The following ANKRD28 variants were observed in gnomAD, a reference collection of about 807,000 sequenced individuals.
ANKRD28 encodes the protein ankyrin repeat domain 28.
ANKRD28 carries 44 observed loss-of-function variants against 126.5 expected under a neutral mutation model. The ratio of observed to expected loss-of-function variants is 0.35; its 90% CI spans 0.27 to 0.45. The LOEUF is 0.45. ANKRD28 is among the 20% of genes least tolerant of loss of function. The pLI is 1.00. For synonymous variants in ANKRD28, 442 were observed against 468.5 expected (o/e 0.94, Z 0.73); for missense variants, 1,110 against 1,316.6 (o/e 0.84, Z 2.43).
chr3:15,699,219 A>T (rs1488284032), intron 14 of ANKRD28, among the ~76,000 whole-genome samples: 2 of 152,238 alleles, frequency 1.3e-5, no homozygotes, highest in Non-Finnish European at 2.9e-5. Context: ...TCCCTTCCTT[A>T]CACTATATAC....
chr3:15,741,752 T>C (rs1419565274), intron 4 of ANKRD28, among the ~76,000 whole-genome samples: 3 of 134,496 alleles, frequency 2.2e-5, no homozygotes, highest in African/African-American at 5.4e-5. Flanking sequence ...ATTCTTACCA[T>C]TGATTTGAAG....
Position 15,742,368 on chromosome 3 carries a change from G to A in ANKRD28, c.352-5135C>T, listed in dbSNP as rs1165796164. On this transcript the variant is annotated intron_variant, in intron 4 of 27. Coordinates refer to ENST00000683139, the MANE Select transcript of ANKRD28 (RefSeq NM_001349278.2). ...CTCGGCCGCCCATCGTCTGAGATGT[G>A]GGGAGCGCCTCTGCCCCGCCGCCCC... Among the ~76,000 whole-genome samples the A allele has an allele frequency of 2.1e-4, 32 of 149,954 alleles. 4 individuals are homozygous for A. The highest frequency in any genetic ancestry group is 8.6e-4 in the Admixed American group (13 of 15,146).
intron 4 of ANKRD28, among the ~76,000 whole-genome samples, chr3:15,745,510 A>G (rs2057416682): frequency 6.6e-6 from 1 of 152,156 alleles, no homozygotes; most frequent in Non-Finnish European, 1.5e-5. Context: ...GTCAAAGATC[A>G]GTTGGCTGTA....
chr3:15,718,052 C>T (rs2073278016), intron 8 of ANKRD28, among the ~76,000 whole-genome samples: 1 of 151,916 alleles, frequency 6.6e-6, no homozygotes, highest in Non-Finnish European at 1.5e-5. Flanking sequence ...TAAAGTGTCC[C>T]CATAGTCAAT....
In ANKRD28 at chr3:15,797,133, T is replaced by A; in HGVS notation, c.-612A>T. ...TATTCACAGAAAAAAGATCTAGAGC[T>A]CAGCACAAATCCTGAAAATGAAGCT... On this transcript the variant is annotated 5_prime_UTR_variant, in exon 1 of 28. Coordinates refer to ENST00000683139, the MANE Select transcript of ANKRD28 (RefSeq NM_001349278.2). 1.0e-6 allele frequency: 1 copy of A among 981,194 alleles called. No individual in the cohort carries two copies. Among genetic ancestry groups the A allele is most frequent in the Non-Finnish European group, 1.2e-6 (1 of 829,162 alleles). 60.8% of individuals were successfully genotyped at this position (981,194 alleles called of 1,614,324 possible). A position where few individuals can be genotyped will look rare whatever the true frequency, so the allele number is the denominator to read the frequency against.
intron 1 of ANKRD28, among the ~76,000 whole-genome samples, chr3:15,831,044 C>T (rs2061177425): frequency 6.6e-6 from 1 of 152,182 alleles, no homozygotes; most frequent in Non-Finnish European, 1.5e-5. Flanking sequence ...TCTGGAAGTT[C>T]ACGCCTGAAA....
In ANKRD28 at chr3:15,797,659, GA is replaced by G. The variant is rs532015611; in HGVS notation, c.-1139del. ...TTCCATTAAACAGTCTTCATTCAGA[GA>G]AAAAAATAGCAGACTGTGCATCTTC... is the stretch of plus-strand genomic sequence containing the variant. On this transcript the variant is annotated 5_prime_UTR_variant, in exon 1 of 28. An upstream open reading frame in the 5' UTR gains an earlier in-frame stop. Coordinates refer to ENST00000683139, the MANE Select transcript of ANKRD28 (RefSeq NM_001349278.2). 3.0e-6 allele frequency: 3 copies of G among 985,032 alleles called. No homozygotes were observed. The highest frequency in any genetic ancestry group is 3.6e-6 in the Non-Finnish European group (3 of 829,894). 61.0% of individuals were successfully genotyped at this position (985,032 alleles called of 1,614,324 possible).
intron 2 of ANKRD28, among the ~76,000 whole-genome samples, chr3:15,779,537 A>C (rs2059446237): frequency 6.6e-6 from 1 of 152,256 alleles, no homozygotes; most frequent in African/African-American, 2.4e-5. Context: ...TGACATAAAG[A>C]AAACTGCGTT....
intron 4 of ANKRD28, among the ~76,000 whole-genome samples, chr3:15,743,045 G>C (rs374607476): frequency 6.6e-6 from 1 of 152,080 alleles, no homozygotes; most frequent in African/African-American, 2.4e-5. Flanking sequence ...AAATTCTTCT[G>C]CCTTGTGATC....
At chr3:15,671,492 C>T (rs557471700) in intron 27 of ANKRD28, among the ~76,000 whole-genome samples, 7 of 152,122 alleles carry the variant, frequency 4.6e-5, no homozygotes, top group Non-Finnish European at 1.0e-4. Flanking sequence ...AGTCGTTACA[C>T]CTTTCTTCTT....
chr3:15,695,392 T>C (rs2069386801), intron 15 of ANKRD28, among the ~76,000 whole-genome samples, 178 bp from the exon 16 acceptor site: 1 of 152,114 alleles, frequency 6.6e-6, no homozygotes, highest in South Asian at 2.1e-4. Flanking sequence ...TCTATATACA[T>C]AGGTCTAAAA....
Position 15,815,931 on chromosome 3 carries a change from C to T in ANKRD28, c.28-20625G>A, listed in dbSNP as rs1329094536. 6.6e-6 allele frequency among the ~76,000 whole-genome samples: 1 copy of T among 151,742 alleles called. No homozygotes were observed. Among genetic ancestry groups the T allele is most frequent in the African/African-American group, 2.4e-5 (1 of 41,076 alleles). ...AAGAAAATTAATTTCTTGAGTACGT[C>T]CATTTAAAAAGTTAATGTCTTCCCT... On this transcript the variant is annotated intron_variant, in intron 1 of 27. Transcript: ENST00000399451. This position sits in a 1 kb window ranked among gnomAD's most constrained non-coding sequence, Gnocchi z 4.1.
At chr3:15,699,327 C>A (rs2070191856) in intron 14 of ANKRD28, among the ~76,000 whole-genome samples, 1 of 152,158 alleles carries the variant, frequency 6.6e-6, no homozygotes, top group African/African-American at 2.4e-5. Context: ...AGGGCATAGG[C>A]ATGGGCAAAG....
intron 2 of ANKRD28, among the ~76,000 whole-genome samples, chr3:15,791,278 T>C (rs1383906075): frequency 1.3e-5 from 2 of 152,078 alleles, no homozygotes; most frequent in African/African-American, 2.4e-5. Context: ...AAAATTTATA[T>C]GGAACCAGAA....
intron 4 of ANKRD28, among the ~76,000 whole-genome samples, chr3:15,739,396 A>G (rs1343543530): frequency 1.3e-5 from 2 of 152,208 alleles, no homozygotes; most frequent in African/African-American, 4.8e-5. Flanking sequence ...CCATGGCTTC[A>G]GCCAGTCCCT....
At chr3:15,672,251 C>A (rs1056018812) in intron 27 of ANKRD28, among the ~76,000 whole-genome samples, 1 of 151,722 alleles carries the variant, frequency 6.6e-6, no homozygotes, top group Non-Finnish European at 1.5e-5. Context: ...TCAAGTGATC[C>A]TCCCACCTCA....
intron 4 of ANKRD28, among the ~76,000 whole-genome samples, chr3:15,743,423 C>T (rs1473236483): frequency 6.6e-6 from 1 of 151,982 alleles, no homozygotes; most frequent in Non-Finnish European, 1.5e-5. Context: ...CTTGGAGAGA[C>T]CACACAATAT....
rs2061519510 is a variant in ANKRD28 at position 15,845,870 on chromosome 3, G to GC, written c.27+13506dup. The stretch of plus-strand genomic sequence containing the variant: ...TATGTGCCACACACTTTAAACCATT[G>GC]CATCTCGTGAAAACTCGCTCACTAT... On this transcript the variant is annotated intron_variant, in intron 1 of 27. Transcript: ENST00000399451. The surrounding 1 kb of genome is among the most constrained non-coding windows in gnomAD (Gnocchi z 4.9). Among the ~76,000 whole-genome samples, 1 of 152,092 alleles carries GC rather than the reference G, an allele frequency of 6.6e-6. No homozygotes were observed. Among genetic ancestry groups the GC allele is most frequent in the Non-Finnish European group, 1.5e-5 (1 of 68,016 alleles).
chr3:15,736,147 T>C (rs2075000928), intron 5 of ANKRD28, among the ~76,000 whole-genome samples: 1 of 152,204 alleles, frequency 6.6e-6, no homozygotes, highest in Non-Finnish European at 1.5e-5. Flanking sequence ...CTGTCAACCA[T>C]AGTCTGAAAA....
Sources: allele counts gnomAD v4.1 joint callset (sites outside exome capture counted in the v4.1 genomes callset), GRCh38; gene constraint gnomAD v4.1.1; non-coding constraint Gnocchi (gnomAD v3.1); transcripts MANE v1.5; gene names NCBI Gene and HGNC (gene_info 2026-07-23, HGNC 2026-07-21).